CCND3: variants seen among roughly 807,000 people sequenced by gnomAD.
The protein encoded by CCND3 is cyclin D3.
CCND3 carries 9 observed loss-of-function variants against 28.7 expected under a neutral mutation model. The ratio of observed to expected loss-of-function variants is 0.31; its 90% confidence interval spans 0.19 to 0.55. The LOEUF (loss-of-function observed/expected upper bound fraction) is 0.55, where lower values mean the gene tolerates loss of function less well. Among genes scored for constraint, CCND3 ranks in the 20% least tolerant of loss-of-function variants. The probability of loss-of-function intolerance (pLI) is 0.93; values close to 1 mark genes in which losing one functional copy is unlikely to be tolerated. For synonymous variants in CCND3, 164 were observed against 163.9 expected (o/e 1.00, Z 0.00); for missense variants, 315 against 385.8 (o/e 0.82, Z 1.54).
intron 1 of CCND3, among the ~76,000 whole-genome samples, chr6:42,031,566 C>T (rs944507245): frequency 1.3e-5 from 2 of 152,122 alleles, no homozygotes; most frequent in African/African-American, 2.4e-5. Flanking sequence ...AAACACAACT[C>T]ATGACATGTT....
intron 1 of CCND3, among the ~76,000 whole-genome samples, chr6:41,995,008 G>T (rs1423103345): frequency 4.6e-5 from 7 of 152,088 alleles, no homozygotes; most frequent in East Asian, 1.9e-4. Context: ...GGAGGCGGAG[G>T]TTGCAGTCAG....
chr6:41,995,365 C>G (rs1221424544), intron 1 of CCND3, among the ~76,000 whole-genome samples: 2 of 152,036 alleles, frequency 1.3e-5, no homozygotes, highest in Admixed American at 6.6e-5. Flanking sequence ...TCAAGCAATT[C>G]TCCTGCCTCA....
At chr6:41,954,188 T>G (rs1279110408) in intron 1 of CCND3, among the ~76,000 whole-genome samples, 2 of 130,586 alleles carry the variant, frequency 1.5e-5, no homozygotes, top group Non-Finnish European at 3.2e-5. Context: ...GAGGCGGAGG[T>G]TGTGGTAAGC....
rs373534978 is a variant in CCND3, at chr6:42,045,297, A to C, written c.-46+3204T>G. 9.9e-3 allele frequency among the ~76,000 whole-genome samples: 1,505 copies of C among 152,310 alleles called. 23 individuals carry two copies. Among genetic ancestry groups the C allele is most frequent in the Non-Finnish European group, 0.014 (949 of 68,030 alleles). On this transcript the variant is annotated intron_variant, in intron 1 of 4. Transcript: ENST00000372988. ...AAGAGCCTAGACTTTGAAATCAGAT[A>C]GATCCTCGTTCAATTCCAAGCTCTG...
chr6:41,997,690 A>G (rs6904985), intron 1 of CCND3, among the ~76,000 whole-genome samples: 149,071 of 152,120 alleles, frequency 0.98, 73,104 homozygotes, highest in East Asian at 1. Flanking sequence ...CCAGGAGTTT[A>G]AGACCAGCCC....
chr6:41,968,104 G>A (rs1303002557), intron 1 of CCND3, among the ~76,000 whole-genome samples: 3 of 152,128 alleles, frequency 2.0e-5, no homozygotes, highest in Non-Finnish European at 4.4e-5. Context: ...CTGCTGATTT[G>A]ACACAAAATG....
chr6:41,944,212 C>T (rs1776111648), upstream of CCND3, among the ~76,000 whole-genome samples: 1 of 152,048 alleles, frequency 6.6e-6, no homozygotes, highest in Non-Finnish European at 1.5e-5. Context: ...TGGCACAAGC[C>T]TGTAGTCCCA....
chr6:41,970,561 T>C (rs1196323441), intron 1 of CCND3, among the ~76,000 whole-genome samples: 1 of 152,134 alleles, frequency 6.6e-6, no homozygotes, highest in Non-Finnish European at 1.5e-5. Flanking sequence ...GAATCTGGAT[T>C]TGAAGTTTAT....
chr6:41,976,338 C>G (rs548996858), intron 1 of CCND3, among the ~76,000 whole-genome samples: 1 of 150,834 alleles, frequency 6.6e-6, no homozygotes, highest in Non-Finnish European at 1.5e-5. Flanking sequence ...GGCGACAGAG[C>G]AAGACTCTGT....
intron 1 of CCND3, among the ~76,000 whole-genome samples, chr6:42,032,151 T>C (rs1764064147): frequency 1.3e-5 from 2 of 152,116 alleles, no homozygotes; most frequent in African/African-American, 4.8e-5. Context: ...AGTGGTGCCA[T>C]CACAGTTCAC....
intron 1 of CCND3, among the ~76,000 whole-genome samples, chr6:41,972,240 A>AAAGAAAAGAAAAG (rs1554162051): frequency 7.8e-4 from 78 of 99,760 alleles, no homozygotes; most frequent in Admixed American, 1.5e-3. Flanking sequence ...AAAAAAAAAA[A>AAAGAAAAGAAAAG]AAAAGAAAAG....
At chr6:42,014,297 G>A (rs1582163330) in intron 1 of CCND3, among the ~76,000 whole-genome samples, 2 of 151,974 alleles carry the variant, frequency 1.3e-5, no homozygotes, top group African/African-American at 4.8e-5. Context: ...AACCCCGGGG[G>A]GCGGAGCCTG....
At chr6:41,987,057 A>T (rs1479262289) in intron 1 of CCND3, among the ~76,000 whole-genome samples, 2 of 152,154 alleles carry the variant, frequency 1.3e-5, no homozygotes, top group African/African-American at 4.8e-5. Flanking sequence ...TAAATTCCTA[A>T]TGTATGCCAG....
At chr6:41,989,417 G>A (rs895376351) in intron 1 of CCND3, among the ~76,000 whole-genome samples, 7 of 118,958 alleles carry the variant, frequency 5.9e-5, no homozygotes, top group Admixed American at 2.3e-4. Context: ...TTGTGCCATT[G>A]TACTCTAGCC....
intron 1 of CCND3, among the ~76,000 whole-genome samples, chr6:42,012,978 C>T (rs1378524012): frequency 1.3e-5 from 2 of 152,124 alleles, no homozygotes; most frequent in Admixed American, 6.6e-5. Context: ...GAGCTGAAAC[C>T]TTCCTTCCTG....
intron 1 of CCND3, among the ~76,000 whole-genome samples, chr6:41,946,857 G>A (rs1776184219): frequency 1.3e-5 from 2 of 152,152 alleles, no homozygotes; most frequent in East Asian, 1.9e-4. Flanking sequence ...GGCCGAGGTG[G>A]GCGGATCACC....
chr6:41,944,252 G>A (rs576231697), upstream of CCND3, among the ~76,000 whole-genome samples: 3 of 152,154 alleles, frequency 2.0e-5, no homozygotes, highest in East Asian at 5.8e-4. Context: ...CAGGAGGATC[G>A]CTTGAGCCCA....
At chr6:41,982,730 G>A (rs983472377) in intron 1 of CCND3, among the ~76,000 whole-genome samples, 1 of 151,992 alleles carries the variant, frequency 6.6e-6, no homozygotes, top group African/African-American at 2.4e-5. Flanking sequence ...CAAAAGACTC[G>A]ACAAATAGAT....
chr6:41,936,437 C>T lies in CCND3; in HGVS notation c.711+122G>A, dbSNP rs1455278589. On this transcript the variant is annotated intron_variant, in intron 4 of 4. Transcript: ENST00000372991. The surrounding 1 kb of genome is among the most constrained non-coding windows in gnomAD (Gnocchi z 4.4). ...GCAGGAGATAAAAAGCCACAAAGCC[C>T]CAAGGTTGTGAAACCAGGACTTGGG... 3 of 1,219,714 alleles carry T rather than the reference C, an allele frequency of 2.5e-6. No individual in the cohort carries two copies. The highest frequency in any genetic ancestry group is 2.3e-6 in the Non-Finnish European group (2 of 860,172). The allele number at this position is 1,219,714 out of a possible 1,614,324, so 75.6% of individuals were successfully genotyped here.
Sources: gnomAD v4.1 joint callset for allele counts (sites outside exome capture counted in the v4.1 genomes callset) on GRCh38, gnomAD v4.1.1 for gene constraint, Gnocchi (gnomAD v3.1) non-coding constraint, MANE v1.5 for transcripts, NCBI Gene and HGNC (gene_info 2026-07-23, HGNC 2026-07-21) for gene names.